The following RPS9 variants were observed in gnomAD, a reference collection of about 807,000 sequenced individuals.
The protein encoded by RPS9 is small ribosomal subunit protein uS4.
A neutral mutation model predicts 16.9 loss-of-function variants in RPS9; 1 was observed. The ratio of observed to expected loss-of-function variants is 0.06; its 90% CI spans 0.02 to 0.28. RPS9 has a LOEUF of 0.28. Ranked by LOEUF, RPS9 falls within the 10% of genes least tolerant of loss-of-function variation. The probability of loss-of-function intolerance (pLI) is 1.00; values close to 1 mark genes in which losing one functional copy is unlikely to be tolerated. For synonymous variants in RPS9, 106 were observed against 110.9 expected, an observed-to-expected ratio of 0.96 and a Z score of 0.28; for missense variants, 137 against 273.2, an observed-to-expected ratio of 0.50 and a Z score of 3.51.
chr19:54,206,435 G>A lies in RPS9; in HGVS notation c.380G>A (p.Arg127His). The A allele has an allele frequency of 6.2e-7, 1 of 1,614,266 alleles. No homozygotes were observed. Among genetic ancestry groups the A allele is most frequent in the Non-Finnish European group, 8.5e-7 (1 of 1,180,050 alleles). Reference protein sequence around the residue: ...LGLAKSIHHARVLIRQRHIRV... With the variant: ...LGLAKSIHHAHVLIRQRHIRV... The stretch of plus-strand genomic sequence containing the variant: ...TTGGCCAAGTCCATCCACCACGCTC[G>A]CGTGCTGATCCGCCAGCGCCATATC... The change falls in exon 4 of 5, where the codon CGC becomes CAC. Residue 127 changes from arginine to histidine, a missense_variant. Arg to His is a conservative substitution (Grantham distance 29). Around this residue, in one of 3 missense-constraint regions of RPS9, gnomAD observed 54 missense variants for 90.9 expected, o/e 0.59. Coordinates refer to ENST00000302907, the MANE Select transcript of RPS9 (RefSeq NM_001013.4).
chr19:54,202,412 T>C, intron 3 of RPS9: 3 of 984,768 alleles, frequency 3.0e-6, no homozygotes, highest in Non-Finnish European at 3.6e-6. Context: ...GCTTGTTTTT[T>C]TAAGCTGGTC....
At chr19:54,203,891 A>G (rs2077150546) in intron 3 of RPS9, among the ~76,000 whole-genome samples, 1 of 151,068 alleles carries the variant, frequency 6.6e-6, no homozygotes, top group Admixed American at 6.7e-5. Context: ...CCTGTTTCCC[A>G]CTGAGGTCCT....
intron 3 of RPS9, among the ~76,000 whole-genome samples, chr19:54,204,170 G>A (rs2077161670): frequency 1.3e-5 from 2 of 151,944 alleles, no homozygotes; most frequent in Non-Finnish European, 1.5e-5. Flanking sequence ...ACCCGAGGTC[G>A]GGAGTTTGAG....
intron 3 of RPS9, among the ~76,000 whole-genome samples, chr19:54,203,872 TGAC>T (rs1010279436): frequency 4.0e-5 from 6 of 150,498 alleles, no homozygotes; most frequent in African/African-American, 1.5e-4. Flanking sequence ...CCTTGTATGA[TGAC>T]AAGGACCTGT....
At chr19:54,204,107 C>T (rs1600756913) in intron 3 of RPS9, among the ~76,000 whole-genome samples, 1 of 152,042 alleles carries the variant, frequency 6.6e-6, no homozygotes, top group South Asian at 2.1e-4. Flanking sequence ...GGCCTGAGTG[C>T]AGTGGCTCAT....
chr19:54,207,640 C>T lies in RPS9; in HGVS notation c.*65C>T. 1 of 1,423,332 alleles carries T rather than the reference C, an allele frequency of 7.0e-7. No homozygotes were observed. The allele number at this position is 1,423,332 out of a possible 1,614,324, so 88.2% of individuals were successfully genotyped here. On this transcript the variant is annotated 3_prime_UTR_variant, in exon 5 of 5. Coordinates refer to ENST00000302907, the MANE Select transcript of RPS9 (RefSeq NM_001013.4). ...TCCTGCCAAATAAACAGGATCAGCG[C>T]TTTACAATTGGTGTGTGGGGGTCTC... is the stretch of plus-strand genomic sequence containing the variant.
At chr19:54,204,359 C>T (rs1480949317) in intron 3 of RPS9, among the ~76,000 whole-genome samples, 2 of 152,218 alleles carry the variant, frequency 1.3e-5, no homozygotes, top group African/African-American at 4.8e-5. Context: ...GAGCGAAACT[C>T]TGTCTCAAAA....
At chr19:54,203,064 C>A (rs1490582263) in intron 3 of RPS9, 1 of 985,206 alleles carries the variant, frequency 1.0e-6, no homozygotes, top group African/African-American at 1.7e-5. Context: ...AGATCCCTCC[C>A]CCATAGATAC....
chr19:54,206,919 G>C, intron 4 of RPS9: 2 of 529,066 alleles, frequency 3.8e-6, no homozygotes, highest in East Asian at 6.6e-5. Context: ...AAGAGGGCAA[G>C]ATGTTTGCGT....
intron 3 of RPS9, among the ~76,000 whole-genome samples, chr19:54,205,618 C>A (rs576792043): frequency 6.6e-6 from 1 of 151,980 alleles, no homozygotes; most frequent in Non-Finnish European, 1.5e-5. Context: ...TGCTTTGTTA[C>A]GGTGGTAGTA....
chr19:54,203,737 A>G (rs907887446), intron 3 of RPS9, among the ~76,000 whole-genome samples: 1 of 151,788 alleles, frequency 6.6e-6, no homozygotes, highest in Non-Finnish European at 1.5e-5. Context: ...GCGGCACTGC[A>G]CTGGGTGACA....
intron 3 of RPS9, among the ~76,000 whole-genome samples, chr19:54,205,055 G>A (rs1039255707): frequency 2.6e-5 from 4 of 152,204 alleles, no homozygotes; most frequent in East Asian, 1.9e-4. Context: ...AGTGCCTGAT[G>A]CATGTAGATC....
intron 3 of RPS9, among the ~76,000 whole-genome samples, chr19:54,203,771 T>TCCCCCCCCCCCCCCCCCCC (rs11439192): frequency 9.0e-6 from 1 of 111,666 alleles, no homozygotes. Context: ...CAACACGAAC[T>TCCCCCCCCCCCCCCCCCCC]CCCCCCCCAC....
chr19:54,200,978 A>G, intron 1 of RPS9, 90 bp downstream of exon 1: 1 of 1,429,272 alleles, frequency 7.0e-7, no homozygotes, highest in Non-Finnish European at 9.1e-7. Context: ...TAAAGACGTT[A>G]GGAAACAGAG....
chr19:54,201,103 G>A, intron 1 of RPS9, 57 bp from the exon 2 acceptor site: 1 of 1,593,170 alleles, frequency 6.3e-7, no homozygotes, highest in East Asian at 2.2e-5. Context: ...TGGCGTAGTT[G>A]TGGGACTGCG....
At chr19:54,201,798 G>A in intron 3 of RPS9, 189 bp downstream of exon 3, 1 of 1,321,386 alleles carries the variant, frequency 7.6e-7, no homozygotes, top group African/African-American at 1.5e-5. Flanking sequence ...TTTCTTAGGT[G>A]TGTGGCTTTT....
chr19:54,202,642 CT>C (rs2077098781), intron 3 of RPS9: 1 of 985,300 alleles, frequency 1.0e-6, no homozygotes, highest in Admixed American at 6.1e-5. Context: ...TATTGGAGTG[CT>C]TTCTACAGCA....
chr19:54,206,650 C>G, intron 4 of RPS9, 188 bp downstream of exon 4: 6 of 1,550,000 alleles, frequency 3.9e-6, no homozygotes, highest in Non-Finnish European at 5.2e-6. Context: ...CCCCAATAGC[C>G]CAGCGCAAGG....
At chr19:54,204,561 C>T (rs941778133) in intron 3 of RPS9, among the ~76,000 whole-genome samples, 7 of 152,072 alleles carry the variant, frequency 4.6e-5, no homozygotes, top group African/African-American at 2.4e-5. Flanking sequence ...CCACCATGCC[C>T]GGCTAATTTA....
Sources: gnomAD v4.1 joint callset for allele counts (sites outside exome capture counted in the v4.1 genomes callset) on GRCh38, gnomAD v4.1.1 for gene constraint, gnomAD v4.1.1 regional missense constraint, MANE v1.5 for transcripts, NCBI Gene and HGNC (gene_info 2026-07-23, HGNC 2026-07-21) for gene names.